Variants in DLEU7 observed in about 807,000 individuals in gnomAD.
The protein encoded by DLEU7 is deleted in lymphocytic leukemia 7.
A neutral mutation model predicts 16.0 loss-of-function variants in DLEU7; 17 were observed. The observed-to-expected ratio is 1.06, with a 90% confidence interval of 0.73 to 1.59. The LOEUF is 1.59. Ranked by LOEUF, DLEU7 falls within the 40% of genes most tolerant of loss-of-function variation. The probability of loss-of-function intolerance (pLI) is 0.00; values close to 1 mark genes in which losing one functional copy is unlikely to be tolerated. For synonymous variants in DLEU7, 113 were observed against 139.8 expected (o/e 0.81, Z 1.35); for missense variants, 308 against 314.9 (o/e 0.98, Z 0.17).
At chr13:50,728,764 A>ATTGACTT (rs1873834201) in intron 1 of DLEU7, among the ~76,000 whole-genome samples, 1 of 152,116 alleles carries the variant, frequency 6.6e-6, no homozygotes, top group African/African-American at 2.4e-5. Flanking sequence ...TCATGTGTCC[A>ATTGACTT]TTGACTTTTT....
intron 1 of DLEU7, among the ~76,000 whole-genome samples, chr13:50,762,444 C>T (rs1354653055): frequency 1.3e-5 from 2 of 152,108 alleles, no homozygotes; most frequent in African/African-American, 4.8e-5. Context: ...GCTGTGCTCA[C>T]GGAACAGGGT....
chr13:50,801,629 T>G (rs890802571), intron 1 of DLEU7, among the ~76,000 whole-genome samples: 1 of 152,008 alleles, frequency 6.6e-6, no homozygotes, highest in African/African-American at 2.4e-5. Context: ...TGGTTGAGAT[T>G]TTACATGATT....
At chr13:50,813,558 TTAAAAA>T (rs1876634238) in intron 1 of DLEU7, among the ~76,000 whole-genome samples, 1 of 152,138 alleles carries the variant, frequency 6.6e-6, no homozygotes, top group South Asian at 2.1e-4. Flanking sequence ...ATTATCTACT[TTAAAAA>T]TAAAGAGCAA....
intron 1 of DLEU7, among the ~76,000 whole-genome samples, chr13:50,719,169 A>T (rs1873524001): frequency 6.6e-6 from 1 of 152,196 alleles, no homozygotes; most frequent in African/African-American, 2.4e-5. Flanking sequence ...GGCCCTCATC[A>T]TTCTAATTGC....
At position 50,774,356 on chromosome 13, in the gene DLEU7, G is replaced by T. The variant is rs113485051; in HGVS notation, c.460-61116C>A. ...ATCACCCATCTTCTTCATCGATCACGCTGGGAGCTACAGACCGGAGCTGTT... is the reference window on the plus strand; with the variant it reads ...ATCACCCATCTTCTTCATCGATCACTCTGGGAGCTACAGACCGGAGCTGTT... On this transcript the variant is annotated intron_variant, in intron 1 of 1. Coordinates refer to the DLEU7 transcript ENST00000400393. Among the ~76,000 whole-genome samples, 4 of 152,236 alleles carry T rather than the reference G, an allele frequency of 2.6e-5. No homozygotes were observed. The South Asian group carries it at 6.2e-4, about 24-fold the overall frequency.
At chr13:50,791,511 T>G (rs1174854008) in intron 1 of DLEU7, among the ~76,000 whole-genome samples, 1 of 152,060 alleles carries the variant, frequency 6.6e-6, no homozygotes, top group African/African-American at 2.4e-5. Flanking sequence ...TGTGTACGTG[T>G]TCTGGGCCAC....
chr13:50,782,774 GAAAA>G (rs57072824), intron 1 of DLEU7, among the ~76,000 whole-genome samples: 19 of 130,166 alleles, frequency 1.5e-4, no homozygotes, highest in African/African-American at 4.5e-4. Flanking sequence ...ACTGTCTACA[GAAAA>G]AAAAAAAAAA....
intron 1 of DLEU7, among the ~76,000 whole-genome samples, chr13:50,751,819 C>T (rs960141711): frequency 1.3e-5 from 2 of 152,106 alleles, no homozygotes; most frequent in African/African-American, 2.4e-5. Flanking sequence ...TGGATTTTCT[C>T]TCTTCTTTTC....
chr13:50,734,650 A>G (rs916456112), intron 1 of DLEU7, among the ~76,000 whole-genome samples: 1 of 152,208 alleles, frequency 6.6e-6, no homozygotes, highest in African/African-American at 2.4e-5. Flanking sequence ...ACAGAGAGAA[A>G]AAAGATAAAA....
intron 1 of DLEU7, among the ~76,000 whole-genome samples, chr13:50,842,382 T>C (rs1372577397): frequency 6.6e-6 from 1 of 152,186 alleles, no homozygotes; most frequent in African/African-American, 2.4e-5. Context: ...AAAGCCAGAA[T>C]GTCTCAGAGA....
intron 1 of DLEU7, among the ~76,000 whole-genome samples, chr13:50,792,127 C>G (rs977148140): frequency 3.9e-5 from 6 of 152,174 alleles, no homozygotes; most frequent in Non-Finnish European, 7.3e-5. Flanking sequence ...AAATTGATAA[C>G]ACTCAGAACC....
chr13:50,746,476 G>A (rs1485338798), intron 1 of DLEU7, among the ~76,000 whole-genome samples: 2 of 152,044 alleles, frequency 1.3e-5, no homozygotes, highest in Non-Finnish European at 2.9e-5. Context: ...TGATAGAATA[G>A]GTAAGCTATC....
intron 1 of DLEU7, among the ~76,000 whole-genome samples, chr13:50,762,437 G>A (rs1874966184): frequency 6.6e-6 from 1 of 152,136 alleles, no homozygotes; most frequent in Non-Finnish European, 1.5e-5. Context: ...TATCCCTGCT[G>A]TGCTCACGGA....
chr13:50,806,466 A>G (rs1593402751), intron 1 of DLEU7, among the ~76,000 whole-genome samples: 3 of 152,250 alleles, frequency 2.0e-5, no homozygotes, highest in Middle Eastern at 6.8e-3. Flanking sequence ...TTAGTTCTCA[A>G]TGAAGAACAT....
intron 1 of DLEU7, among the ~76,000 whole-genome samples, chr13:50,800,506 C>A (rs1876218739): frequency 6.6e-6 from 1 of 152,046 alleles, no homozygotes; most frequent in Non-Finnish European, 1.5e-5. Flanking sequence ...GCTACCTATA[C>A]CCCCTGGCAT....
At position 50,823,499 on chromosome 13, in the gene DLEU7, T is replaced by C. The variant is rs1216607598; in HGVS notation, c.481A>G (p.Ile161Val). 2 of 1,535,860 alleles carry C rather than the reference T, an allele frequency of 1.3e-6. No individual in the cohort carries two copies. The highest frequency in any genetic ancestry group is 2.0e-5 in the Admixed American group (1 of 50,996). The part of the protein sequence containing the change: ...HLKDSVEFRN[I>V]CSHLALQIEG... ...ATCTGTAGAGCCAAATGACTGCAGATGTTTCTAAACTCAACACTATCCTGA... is the reference window on the plus strand; with the variant it reads ...ATCTGTAGAGCCAAATGACTGCAGACGTTTCTAAACTCAACACTATCCTGA... The change falls in exon 2 of 2, where the codon ATC becomes GTC. Residue 161 changes from isoleucine to valine, a missense_variant. Ile to Val is a conservative substitution (Grantham distance 29). Coordinates refer to ENST00000504404, the MANE Select transcript of DLEU7 (RefSeq NM_001306135.2).
chr13:50,838,880 T>C (rs751937674), intron 1 of DLEU7, among the ~76,000 whole-genome samples: 4 of 152,278 alleles, frequency 2.6e-5, no homozygotes, highest in Non-Finnish European at 4.4e-5. Flanking sequence ...GGACGGGCCA[T>C]GTGAGGACGC....
chr13:50,792,264 A>G (rs1357720143), intron 1 of DLEU7, among the ~76,000 whole-genome samples: 1 of 152,202 alleles, frequency 6.6e-6, no homozygotes, highest in Non-Finnish European at 1.5e-5. Context: ...CTTCTCTTTA[A>G]TTGAATTATC....
At chr13:50,741,390 A>G (rs7329032) in intron 1 of DLEU7, among the ~76,000 whole-genome samples, 2,000 of 152,312 alleles carry the variant, frequency 0.013, 39 homozygotes, top group African/African-American at 0.045. Flanking sequence ...TTTGGGAAGT[A>G]TGCAGATGAT....
Sources: gnomAD v4.1 joint callset for allele counts (sites outside exome capture counted in the v4.1 genomes callset) on GRCh38, gnomAD v4.1.1 for gene constraint, MANE v1.5 for transcripts, NCBI Gene and HGNC (gene_info 2026-07-23, HGNC 2026-07-21) for gene names.